Variants in SIRT1 observed in about 807,000 individuals in gnomAD.
SIRT1 encodes NAD-dependent protein deacetylase sirtuin-1.
A neutral mutation model predicts 67.9 loss-of-function variants in SIRT1; 24 were observed. The observed-to-expected ratio is 0.35, with a 90% confidence interval of 0.26 to 0.50. The LOEUF (loss-of-function observed/expected upper bound fraction) is 0.50. Ranked by LOEUF, SIRT1 falls within the 20% of genes least tolerant of loss-of-function variation. SIRT1 has a pLI of 0.98. For synonymous variants in SIRT1, 378 were observed against 350.7 expected (o/e 1.08, Z -0.87); for missense variants, 873 against 937.2 (o/e 0.93, Z 0.89).
At chr10:67,904,951 C>T (rs1212225178) in intron 4 of SIRT1, among the ~76,000 whole-genome samples, 1 of 151,948 alleles carries the variant, frequency 6.6e-6, no homozygotes, top group East Asian at 1.9e-4. Context: ...TCCCATACAT[C>T]TTTGTGTTTC....
At position 67,918,119 on chromosome 10, in the gene SIRT1, ATATT is replaced by A. The variant is rs941528821; in HGVS notation, c.*1529_*1532del. 2 of 152,662 alleles carry A rather than the reference ATATT, an allele frequency of 1.3e-5. No homozygotes were observed. Among genetic ancestry groups the A allele is most frequent in the African/African-American group, 2.4e-5 (1 of 41,468 alleles). The allele number at this position is 152,662 out of a possible 1,614,324, so 9.5% of individuals were successfully genotyped here. ...ATTTGGCTACACTAAAGAATGCAGT[ATATT>A]TAGTTTTCCATTTGCATGATGTTTG... is the stretch of plus-strand genomic sequence containing the variant. On this transcript the variant is annotated 3_prime_UTR_variant, in exon 9 of 9. Coordinates refer to ENST00000212015, the MANE Select transcript of SIRT1 (RefSeq NM_012238.5).
At chr10:67,903,006 G>A (rs1842765865) in intron 4 of SIRT1, among the ~76,000 whole-genome samples, 1 of 152,140 alleles carries the variant, frequency 6.6e-6, no homozygotes, top group African/African-American at 2.4e-5. Context: ...TGGGAGAATT[G>A]CCTAAACCCA....
intron 4 of SIRT1, among the ~76,000 whole-genome samples, chr10:67,901,019 C>T (rs1305995592): frequency 6.6e-6 from 1 of 152,150 alleles, no homozygotes; most frequent in Non-Finnish European, 1.5e-5. Context: ...CTGAAATGTA[C>T]TTACTAGTCT....
intron 4 of SIRT1, chr10:67,906,361 TTAAA>T: frequency 2.7e-6 from 4 of 1,466,476 alleles, no homozygotes; most frequent in Non-Finnish European, 3.7e-6. Context: ...AAAAAAAATT[TTAAA>T]TATTCTTGTA....
At chr10:67,906,997 C>A in intron 5 of SIRT1, 60 bp downstream of exon 5, 1 of 1,403,228 alleles carries the variant, frequency 7.1e-7, no homozygotes, top group Non-Finnish European at 9.5e-7. Flanking sequence ...AAGATATTTC[C>A]TATAAAGCTG....
chr10:67,916,718 G>T lies in SIRT1; in HGVS notation c.*125G>T. The T allele has an allele frequency of 4.8e-6, 3 of 628,828 alleles. No individual in the cohort carries two copies. The highest frequency in any genetic ancestry group is 7.5e-6 in the Non-Finnish European group (3 of 402,530). 39.0% of individuals were successfully genotyped at this position (628,828 alleles called of 1,614,324 possible). ...CAGAAAGGTGTAATATTTATAGGTTGGTAAAATAGATTGTTTTTCATGGAT... is the reference window on the plus strand; with the variant it reads ...CAGAAAGGTGTAATATTTATAGGTTTGTAAAATAGATTGTTTTTCATGGAT... On this transcript the variant is annotated 3_prime_UTR_variant, in exon 9 of 9. Coordinates refer to ENST00000212015, the MANE Select transcript of SIRT1 (RefSeq NM_012238.5).
rs116972489 is a variant in SIRT1, at chr10:67,892,196, C to T, written c.942+642C>T. 6.1e-3 allele frequency among the ~76,000 whole-genome samples: 929 copies of T among 152,182 alleles called. 7 individuals carry two copies. Among genetic ancestry groups the T allele is most frequent in the Middle Eastern group, 0.01 (3 of 294 alleles). ...TTAGTTTTATTCATCAAATATTAAACAAATATTGGTTTTTATATGGAAAAA... is the reference window on the plus strand; with the variant it reads ...TTAGTTTTATTCATCAAATATTAAATAAATATTGGTTTTTATATGGAAAAA... On this transcript the variant is annotated intron_variant, in intron 4 of 8. Transcript: ENST00000212015.
chr10:67,900,318 A>G (rs188540440), intron 4 of SIRT1, among the ~76,000 whole-genome samples: 67 of 151,552 alleles, frequency 4.4e-4, no homozygotes, highest in African/African-American at 1.2e-3. Flanking sequence ...GCTAATTTGT[A>G]TTTTTAGTAG....
At chr10:67,885,494 CTT>C in intron 1 of SIRT1, 1 of 919,206 alleles carries the variant, frequency 1.1e-6, no homozygotes, top group Non-Finnish European at 1.4e-6. Flanking sequence ...TTTTCTTTTT[CTT>C]TATTTTTTAT....
intron 1 of SIRT1, chr10:67,885,356 T>G: frequency 8.1e-7 from 1 of 1,233,978 alleles, no homozygotes; most frequent in South Asian, 4.0e-5. Flanking sequence ...TTTTCCTCCG[T>G]CCGTGGCCCG....
intron 2 of SIRT1, among the ~76,000 whole-genome samples, chr10:67,888,666 C>A (rs186052938): frequency 6.6e-6 from 1 of 152,086 alleles, no homozygotes; most frequent in South Asian, 2.1e-4. Flanking sequence ...TATATACTTA[C>A]AGCTGAAGGG....
chr10:67,905,435 G>A (rs542869661), intron 4 of SIRT1, among the ~76,000 whole-genome samples: 1 of 152,260 alleles, frequency 6.6e-6, no homozygotes, highest in Non-Finnish European at 1.5e-5. Context: ...TGAATCTAAG[G>A]CAACGTTTTT....
At position 67,891,474 on chromosome 10, in the gene SIRT1, C is replaced by A. The variant is rs1842572684; in HGVS notation, c.862C>A (p.Pro288Thr). 6.2e-7 allele frequency: 1 copy of A among 1,613,942 alleles called. No individual in the cohort carries two copies. Among genetic ancestry groups the A allele is most frequent in the Non-Finnish European group, 8.5e-7 (1 of 1,179,968 alleles). Residue 288 changes from proline (P) to threonine (T), a missense_variant, in exon 4 of 9, where the codon CCA (proline) becomes ACA (threonine). Coordinates refer to ENST00000212015, the MANE Select transcript of SIRT1 (RefSeq NM_012238.5). ...GIYARLAVDF[P>T]DLPDPQAMFD... ...TTATGCTCGCCTTGCTGTAGACTTC[C>A]CAGATCTTCCAGATCCTCAAGCGAT...
chr10:67,916,299 C>G lies in SIRT1; in HGVS notation c.1950C>G (p.Tyr650Ter), dbSNP rs752153256. The change falls in exon 9 of 9, where the codon TAC (tyrosine) becomes TAG (stop). Residue 650 changes from tyrosine to a stop codon, truncating the protein, a stop_gained. Transcript: ENST00000212015. LOFTEE classifies it high-confidence loss of function. ...ATCTGTTTTTGCCACCAAATCGTTA[C>G]ATTTTCCATGGCGCTGAGGTATATT... ...NQYLFLPPNR[Y>*]IFHGAEVYSD... The G allele has an allele frequency of 6.3e-7, 1 of 1,599,306 alleles. No individual in the cohort carries two copies.
At chr10:67,913,541 T>C (rs1395350293) in intron 8 of SIRT1, among the ~76,000 whole-genome samples, 1 of 152,218 alleles carries the variant, frequency 6.6e-6, no homozygotes, top group African/African-American at 2.4e-5. Context: ...TTGTTTTCTC[T>C]GAGGACTTAG....
chr10:67,892,750 C>T (rs1278103408), intron 4 of SIRT1, among the ~76,000 whole-genome samples: 8 of 152,042 alleles, frequency 5.3e-5, no homozygotes, highest in Non-Finnish European at 8.8e-5. Context: ...TACAGGCGCC[C>T]GCTACCATGC....
intron 2 of SIRT1, 51 bp from the exon 3 acceptor site, chr10:67,888,831 A>G (rs1457709428): frequency 1.3e-6 from 2 of 1,540,720 alleles, no homozygotes; most frequent in South Asian, 1.2e-5. Context: ...AATAAATGAG[A>G]TTTTGAATTA....
chr10:67,903,985 T>A (rs1842781998), intron 4 of SIRT1, among the ~76,000 whole-genome samples: 1 of 152,068 alleles, frequency 6.6e-6, no homozygotes, highest in Non-Finnish European at 1.5e-5. Context: ...CATGGAAGAG[T>A]TAATCCATAT....
intron 4 of SIRT1, among the ~76,000 whole-genome samples, chr10:67,903,193 C>T (rs918482213): frequency 6.6e-6 from 1 of 152,166 alleles, no homozygotes; most frequent in African/African-American, 2.4e-5. Context: ...CTCCCAGACT[C>T]AAGTGATTCT....
Sources: gnomAD v4.1 joint callset for allele counts (sites outside exome capture counted in the v4.1 genomes callset) on GRCh38, gnomAD v4.1.1 for gene constraint, MANE v1.5 for transcripts, NCBI Gene and HGNC (gene_info 2026-07-23, HGNC 2026-07-21) for gene names.